FUT9: variants seen among roughly 807,000 people sequenced by gnomAD.
The protein encoded by FUT9 is 4-galactosyl-N-acetylglucosaminide 3-alpha-L-fucosyltransferase 9.
FUT9 carries 15 observed loss-of-function variants against 29.7 expected under a neutral mutation model. The observed-to-expected ratio is 0.51, with a 90% CI of 0.34 to 0.78. The LOEUF (loss-of-function observed/expected upper bound fraction) is 0.78. FUT9 is among the 30% of genes least tolerant of loss of function. The pLI is 0.01. For synonymous variants in FUT9, 169 were observed against 153.7 expected, an observed-to-expected ratio of 1.10 and a Z score of -0.74; for missense variants, 319 against 425.4, an observed-to-expected ratio of 0.75 and a Z score of 2.20.
Position 96,026,297 on chromosome 6 carries a change from T to G in FUT9, c.-98+10085T>G, listed in dbSNP as rs138513533. On this transcript the variant is annotated intron_variant, in intron 1 of 2. Coordinates refer to ENST00000302103, the MANE Select transcript of FUT9 (RefSeq NM_006581.4). ...TCCTACTGATGGAATGCATTAAACT[T>G]TTGTTATCTGAGATTGATGAACCTT... Among the ~76,000 whole-genome samples, 416 of 151,812 alleles carry G rather than the reference T, an allele frequency of 2.7e-3. 2 individuals carry two copies. Among genetic ancestry groups the G allele is most frequent in the African/African-American group, 9.4e-3 (392 of 41,482 alleles).
At chr6:96,125,965 T>C (rs1343366776) in intron 2 of FUT9, among the ~76,000 whole-genome samples, 1 of 152,158 alleles carries the variant, frequency 6.6e-6, no homozygotes, top group Non-Finnish European at 1.5e-5. Flanking sequence ...ATGCACACAA[T>C]ATTTAAGCTT....
chr6:96,122,286 G>A (rs1239526473), intron 2 of FUT9, among the ~76,000 whole-genome samples: 2 of 152,150 alleles, frequency 1.3e-5, no homozygotes, highest in South Asian at 4.1e-4. Flanking sequence ...AAGTAATCAG[G>A]AGTGTCTAGA....
At chr6:96,056,575 T>G (rs534960031) in intron 1 of FUT9, among the ~76,000 whole-genome samples, 2 of 152,178 alleles carry the variant, frequency 1.3e-5, no homozygotes, top group South Asian at 4.1e-4. Context: ...TAAGCAAATA[T>G]ACCTAGTATC....
chr6:96,155,416 G>A (rs1376342900), intron 2 of FUT9, among the ~76,000 whole-genome samples: 3 of 152,064 alleles, frequency 2.0e-5, no homozygotes, highest in African/African-American at 7.2e-5. Context: ...TTTAGTGTTT[G>A]GCCCTAATCT....
At chr6:96,022,851 A>C (rs530669178) in intron 1 of FUT9, among the ~76,000 whole-genome samples, 2 of 151,950 alleles carry the variant, frequency 1.3e-5, no homozygotes, top group East Asian at 3.9e-4. Context: ...CTGCTTTTCA[A>C]ATGAGGTGTA....
intron 2 of FUT9, among the ~76,000 whole-genome samples, chr6:96,170,529 T>C (rs4466254): frequency 0.91 from 138,528 of 151,804 alleles, 64,534 homozygotes; most frequent in Non-Finnish European, 1. Context: ...GCTAGTTAAA[T>C]CAGAATAAAA....
intron 2 of FUT9, among the ~76,000 whole-genome samples, chr6:96,177,785 A>T (rs1773230796): frequency 6.6e-6 from 1 of 152,196 alleles, no homozygotes; most frequent in Non-Finnish European, 1.5e-5. Flanking sequence ...CCTATAAGGT[A>T]TTAAAATTAT....
At chr6:96,043,177 G>A (rs990638988) in intron 1 of FUT9, among the ~76,000 whole-genome samples, 2 of 151,820 alleles carry the variant, frequency 1.3e-5, no homozygotes, top group South Asian at 4.2e-4. Context: ...TCAGCCTCCC[G>A]AGTAGCTGGG....
chr6:96,065,555 T>C (rs900900478), intron 1 of FUT9, among the ~76,000 whole-genome samples: 5 of 152,166 alleles, frequency 3.3e-5, no homozygotes, highest in African/African-American at 1.2e-4. Context: ...TATTGTTCTA[T>C]CTCTTTAAGC....
At chr6:96,155,470 G>A (rs577407043) in intron 2 of FUT9, among the ~76,000 whole-genome samples, 45 of 152,056 alleles carry the variant, frequency 3.0e-4, no homozygotes, top group South Asian at 4.2e-4. Flanking sequence ...GCTGGAGATC[G>A]AGACTATCCT....
Position 96,203,202 on chromosome 6 carries a change from G to T in FUT9, c.47G>T (p.Cys16Phe), listed in dbSNP as rs1773760411. 2 of 1,610,598 alleles carry T rather than the reference G, an allele frequency of 1.2e-6. No homozygotes were observed. The highest frequency in any genetic ancestry group is 1.7e-6 in the Non-Finnish European group (2 of 1,177,472). ...ATTCTTCGCCCATTTTTAATTGTCT[G>T]CATTATCCTGGGCTGTTTCATGGCA... ...KGILRPFLIV[C>F]IILGCFMACL... is the part of the protein sequence containing the mutation. The change falls in exon 3 of 3, where the codon TGC becomes TTC. Residue 16 changes from cysteine (C) to phenylalanine (F), a missense_variant. Transcript: ENST00000302103.
chr6:96,196,845 T>C (rs554264846), intron 2 of FUT9, among the ~76,000 whole-genome samples: 1 of 152,226 alleles, frequency 6.6e-6, no homozygotes, highest in Non-Finnish European at 1.5e-5. Context: ...GCAGGTCTTA[T>C]GACCTACAAT....
intron 2 of FUT9, among the ~76,000 whole-genome samples, chr6:96,136,416 C>A (rs1772350386): frequency 6.6e-6 from 1 of 151,850 alleles, no homozygotes; most frequent in Non-Finnish European, 1.5e-5. Context: ...TTGACAGATA[C>A]AATTAAAAGT....
intron 1 of FUT9, among the ~76,000 whole-genome samples, chr6:96,085,431 T>C (rs1771300243): frequency 6.6e-6 from 1 of 152,324 alleles, no homozygotes; most frequent in East Asian, 1.9e-4. Flanking sequence ...AGGGCACTAA[T>C]GATATTCCCA....
chr6:96,193,916 A>G lies in FUT9; in HGVS notation c.-8-9232A>G, dbSNP rs148514489. ...ATGTCCTTTGTAGGGACATGGATGAAGTTGGAAACCATCATTCTCAGCGAA... is the reference window on the plus strand; with the variant it reads ...ATGTCCTTTGTAGGGACATGGATGAGGTTGGAAACCATCATTCTCAGCGAA... On this transcript the variant is annotated intron_variant, in intron 2 of 2. Coordinates refer to ENST00000302103, the MANE Select transcript of FUT9 (RefSeq NM_006581.4). Among the ~76,000 whole-genome samples, 54 of 152,310 alleles carry G rather than the reference A, an allele frequency of 3.5e-4. 1 individual carries two copies. The highest frequency in any genetic ancestry group is 1.3e-3 in the African/African-American group (52 of 41,568).
chr6:96,046,019 T>G (rs917070554), intron 1 of FUT9, among the ~76,000 whole-genome samples: 1 of 152,190 alleles, frequency 6.6e-6, no homozygotes, highest in Non-Finnish European at 1.5e-5. Flanking sequence ...ATCAGTAGAT[T>G]CAGCTTTTGA....
At chr6:96,201,724 T>G (rs1773728814) in intron 2 of FUT9, among the ~76,000 whole-genome samples, 1 of 151,942 alleles carries the variant, frequency 6.6e-6, no homozygotes, top group Non-Finnish European at 1.5e-5. Context: ...CCTAGACATA[T>G]TTGATATGTA....
At chr6:96,052,565 GA>G (rs1562108982) in intron 1 of FUT9, among the ~76,000 whole-genome samples, 1 of 152,064 alleles carries the variant, frequency 6.6e-6, no homozygotes, top group African/African-American at 2.4e-5. Flanking sequence ...GAAAGAAATA[GA>G]AAGTTGGAAA....
chr6:96,044,472 C>T (rs1770523529), intron 1 of FUT9, among the ~76,000 whole-genome samples: 1 of 152,144 alleles, frequency 6.6e-6, no homozygotes, highest in Admixed American at 6.5e-5. Flanking sequence ...ACAAAACATA[C>T]AAATAAACAA....
Sources: gnomAD v4.1 joint callset for allele counts (sites outside exome capture counted in the v4.1 genomes callset) on GRCh38, gnomAD v4.1.1 for gene constraint, MANE v1.5 for transcripts, NCBI Gene and HGNC (gene_info 2026-07-23, HGNC 2026-07-21) for gene names.